Variants in RCC1L observed in about 807,000 individuals in gnomAD.
The protein encoded by RCC1L is RCC1-like G exchanging factor-like protein.
In RCC1L, 46 loss-of-function variants were observed where a neutral mutation model predicts 58.6. The ratio of observed to expected loss-of-function variants is 0.79; its 90% CI spans 0.62 to 1.00. The LOEUF (loss-of-function observed/expected upper bound fraction) is 1.00, where lower values mean the gene tolerates loss of function less well. RCC1L is among the 50% of genes least tolerant of loss of function. The probability of loss-of-function intolerance (pLI) is 0.00; values close to 1 mark genes in which losing one functional copy is unlikely to be tolerated. For synonymous variants in RCC1L, 281 were observed against 262.9 expected (o/e 1.07, Z -0.67); for missense variants, 636 against 623.6 (o/e 1.02, Z -0.21).
At chr7:75,028,168 A>C (rs1366254754) in intron 10 of RCC1L, 1 of 1,255,838 alleles carries the variant, frequency 8.0e-7, no homozygotes, top group Non-Finnish European at 1.1e-6. Context: ...CCCAGGCTGG[A>C]GTGCTGTGGC....
downstream of RCC1L, among the ~76,000 whole-genome samples, chr7:75,039,300 A>G (rs1805493776): frequency 6.6e-6 from 1 of 152,250 alleles, no homozygotes; most frequent in African/African-American, 2.4e-5. Context: ...TGGCCTCAGA[A>G]TGCAACCTGC....
intron 1 of RCC1L, among the ~76,000 whole-genome samples, chr7:75,071,179 G>A (rs1806714032): frequency 6.6e-6 from 1 of 152,106 alleles, no homozygotes; most frequent in African/African-American, 2.4e-5. Context: ...TATTAAGACA[G>A]CAACTAGCAT....
Position 75,058,629 on chromosome 7 carries a change from A to T in RCC1L, c.928T>A (p.Ser310Thr). The T allele has an allele frequency of 6.2e-7, 1 of 1,612,646 alleles. No individual in the cohort carries two copies. The highest frequency in any genetic ancestry group is 8.5e-7 in the Non-Finnish European group (1 of 1,179,278). ...ADGGLFGWGNSEYLQLASVTD... is the reference protein window; with the variant it reads ...ADGGLFGWGNTEYLQLASVTD... ...ACAGAGGCCAGCTGCAGGTACTCCG[A>T]GTTTCCCCAACCAAAAAGTCCTCCG... Residue 310 changes from serine (S) to threonine (T), a missense_variant, in exon 7 of 11, where the codon TCG becomes ACG. Coordinates refer to ENST00000610322, the MANE Select transcript of RCC1L (RefSeq NM_030798.5).
intron 10 of RCC1L, among the ~76,000 whole-genome samples, chr7:75,036,895 T>C (rs1321809957): frequency 2.6e-5 from 4 of 152,008 alleles, no homozygotes; most frequent in African/African-American, 9.7e-5. Context: ...AGAGTGAGAC[T>C]CTGTCTCAAA....
intron 10 of RCC1L, among the ~76,000 whole-genome samples, chr7:75,032,703 A>G (rs1488585461): frequency 6.6e-6 from 1 of 152,132 alleles, no homozygotes; most frequent in Non-Finnish European, 1.5e-5. Flanking sequence ...CCCTGAGCCC[A>G]AGAGAGTTCT....
At chr7:75,052,982 G>A (rs1388579296) in intron 9 of RCC1L, among the ~76,000 whole-genome samples, 186 bp from the exon 10 acceptor site, 4 of 150,128 alleles carry the variant, frequency 2.7e-5, no homozygotes, top group African/African-American at 9.8e-5. Flanking sequence ...TCCCCATATC[G>A]AAAACACATC....
At chr7:75,055,827 G>A (rs782177480) in intron 9 of RCC1L, 74 bp downstream of exon 9, 5 of 1,568,546 alleles carry the variant, frequency 3.2e-6, no homozygotes, top group Admixed American at 1.7e-5. Flanking sequence ...AGAGCTGCCC[G>A]CAGTTTGGGG....
At chr7:75,072,157 TATAC>T (rs1303203809) in intron 1 of RCC1L, among the ~76,000 whole-genome samples, 1,203 of 56,218 alleles carry the variant, frequency 0.021, 62 homozygotes, top group Non-Finnish European at 0.034. Flanking sequence ...TACATATACA[TATAC>T]ATATATATAT....
chr7:75,058,687 G>A lies in RCC1L; in HGVS notation c.870C>T (p.Thr290=), dbSNP rs1460969618. The part of the protein sequence containing the change: ...LAGVNVIQVA[T]YGDCCLAVSA... ...ACACGGCCAGGCAGCAATCACCGTA[G>A]GTGGCAACTTGGATAACGTTCACTC... Residue 290 remains threonine, a synonymous_variant, in exon 7 of 11, where the codon ACC becomes ACT. Transcript: ENST00000610322. 1 of 1,613,846 alleles carries A rather than the reference G, an allele frequency of 6.2e-7. No individual in the cohort carries two copies. Among genetic ancestry groups the A allele is most frequent in the African/African-American group, 1.3e-5 (1 of 74,914 alleles).
chr7:75,066,825 G>A (rs782708522), intron 2 of RCC1L, 33 bp from the exon 3 acceptor site: 3 of 1,582,244 alleles, frequency 1.9e-6, no homozygotes, highest in Admixed American at 1.9e-5. Context: ...ATTGAGGCAT[G>A]CATTTCTACC....
At chr7:75,070,039 T>C (rs903195485) in intron 2 of RCC1L, among the ~76,000 whole-genome samples, 1 of 152,206 alleles carries the variant, frequency 6.6e-6, no homozygotes, top group African/African-American at 2.4e-5. Context: ...TTCTAGGCAC[T>C]GCAGAGTACT....
downstream of RCC1L, among the ~76,000 whole-genome samples, chr7:75,040,579 C>G (rs1232309546): frequency 1.3e-5 from 2 of 152,056 alleles, no homozygotes; most frequent in Non-Finnish European, 2.9e-5. Flanking sequence ...ACCTGCCATC[C>G]CGAACCCCGC....
At chr7:75,030,788 C>T (rs1414026257) in intron 10 of RCC1L, among the ~76,000 whole-genome samples, 1 of 152,172 alleles carries the variant, frequency 6.6e-6, no homozygotes, top group African/African-American at 2.4e-5. Flanking sequence ...TTTGATACAG[C>T]CCAGCTCTGA....
chr7:75,073,740 T>A lies in RCC1L; in HGVS notation c.-3A>T, dbSNP rs587680642. ...GCCACCAACGCCACCAGCGCCATCC[T>A]CCGTTCCGCGCCTCAGCAGCCTCTG... On this transcript the variant is annotated 5_prime_UTR_variant, in exon 1 of 11. Coordinates refer to ENST00000610322, the MANE Select transcript of RCC1L (RefSeq NM_030798.5). 882 of 1,504,520 alleles carry A rather than the reference T, an allele frequency of 5.9e-4. 1 individual carries two copies. Among genetic ancestry groups the A allele is most frequent in the Middle Eastern group, 1.9e-3 (8 of 4,298 alleles). 93.2% of individuals were successfully genotyped at this position (1,504,520 alleles called of 1,614,324 possible).
At chr7:75,032,853 C>CGT in intron 10 of RCC1L, among the ~76,000 whole-genome samples, 4 of 151,908 alleles carry the variant, frequency 2.6e-5, no homozygotes, top group Admixed American at 1.3e-4. Context: ...GGGAGGATTA[C>CGT]CTGAGGTCAG....
At chr7:75,036,768 T>C (rs1805438125) in intron 10 of RCC1L, among the ~76,000 whole-genome samples, 1 of 151,960 alleles carries the variant, frequency 6.6e-6, no homozygotes, top group African/African-American at 2.4e-5. Context: ...GAGTTGGTGG[T>C]GCACGTCTGT....
At chr7:75,044,032 T>C (rs1805642187) in intron 10 of RCC1L, among the ~76,000 whole-genome samples, 1 of 152,050 alleles carries the variant, frequency 6.6e-6, no homozygotes, top group Non-Finnish European at 1.5e-5. Flanking sequence ...GCTGACAACA[T>C]GGCATCAGAG....
chr7:75,030,027 A>C (rs896319405), intron 10 of RCC1L, among the ~76,000 whole-genome samples: 1 of 152,212 alleles, frequency 6.6e-6, no homozygotes, highest in Non-Finnish European at 1.5e-5. Flanking sequence ...CAGGGAAGGA[A>C]GCCAGCCAGG....
chr7:75,047,237 G>A (rs1365673742), intron 10 of RCC1L, among the ~76,000 whole-genome samples: 6 of 152,152 alleles, frequency 3.9e-5, no homozygotes, highest in Non-Finnish European at 8.8e-5. Context: ...GATTACAGGC[G>A]TGAGCCACTG....
Sources: allele counts gnomAD v4.1 joint callset (sites outside exome capture counted in the v4.1 genomes callset), GRCh38; gene constraint gnomAD v4.1.1; transcripts MANE v1.5; gene names NCBI Gene and HGNC (gene_info 2026-07-23, HGNC 2026-07-21).